Variants in PCDHA4 observed in about 807,000 individuals in gnomAD.
PCDHA4 encodes the protein protocadherin alpha 4, also known as protocadherin alpha-4.
A neutral mutation model predicts 61.4 loss-of-function variants in PCDHA4; 49 were observed. The observed-to-expected ratio is 0.80, with a 90% CI of 0.63 to 1.01. The LOEUF (loss-of-function observed/expected upper bound fraction) is 1.01. Ranked by LOEUF, PCDHA4 falls within the 50% of genes least tolerant of loss-of-function variation. The pLI is 0.00. For missense variants in PCDHA4, 1,254 were observed against 1,235.8 expected (o/e 1.01, Z -0.22); for synonymous variants, 590 against 550.3 (o/e 1.07, Z -1.01).
chr5:140,888,059 T>C (rs1562834280), intron 1 of PCDHA4, among the ~76,000 whole-genome samples: 1 of 152,232 alleles, frequency 6.6e-6, no homozygotes, highest in African/African-American at 2.4e-5. Context: ...TGTTTTAACT[T>C]TCTTGTCTGC....
intron 1 of PCDHA4, chr5:140,864,242 T>C (rs978090917): frequency 6.6e-6 from 1 of 152,208 alleles, no homozygotes; most frequent in Non-Finnish European, 1.5e-5. Flanking sequence ...TTATTCCTAT[T>C]CATTTTCTTA....
At chr5:140,864,945 C>A (rs2048665503) in intron 1 of PCDHA4, 1 of 152,120 alleles carries the variant, frequency 6.6e-6, no homozygotes, top group African/African-American at 2.4e-5. Flanking sequence ...GGCCTGTAAT[C>A]CCAGCATTTT....
chr5:140,902,783 G>A (rs1013396334), intron 1 of PCDHA4, among the ~76,000 whole-genome samples: 19 of 151,054 alleles, frequency 1.3e-4, no homozygotes, highest in Admixed American at 9.2e-4. Flanking sequence ...TCATAGCTTA[G>A]CTCTCACTTG....
intron 1 of PCDHA4, among the ~76,000 whole-genome samples, chr5:140,885,674 C>A (rs1041500524): frequency 2.1e-4 from 32 of 152,192 alleles, no homozygotes; most frequent in African/African-American, 7.0e-4. Flanking sequence ...AGCACTCTTT[C>A]TATCTCAAGA....
chr5:140,900,187 T>C (rs529700623), intron 1 of PCDHA4, among the ~76,000 whole-genome samples: 1 of 152,346 alleles, frequency 6.6e-6, no homozygotes, highest in Non-Finnish European at 1.5e-5. Context: ...ATGTCACTTA[T>C]AATGACATCC....
At chr5:140,848,599 T>C (rs2150414040) in intron 1 of PCDHA4, 1 of 1,593,694 alleles carries the variant, frequency 6.3e-7, no homozygotes, top group Non-Finnish European at 8.6e-7. Context: ...CACTACTCCG[T>C]CCCGGAGGAA....
intron 1 of PCDHA4, among the ~76,000 whole-genome samples, chr5:140,905,413 A>T (rs2071819141): frequency 6.6e-6 from 1 of 152,180 alleles, no homozygotes; most frequent in South Asian, 2.1e-4. Flanking sequence ...TTATACCAGT[A>T]CCATGCTGGT....
At chr5:140,968,653 C>T (rs1301566656) in intron 1 of PCDHA4, 1 of 1,614,150 alleles carries the variant, frequency 6.2e-7, no homozygotes, top group Non-Finnish European at 8.5e-7. Flanking sequence ...AGACTTCTGA[C>T]CTGGACCTCT....
chr5:140,875,450 C>A, intron 1 of PCDHA4: 1 of 1,590,616 alleles, frequency 6.3e-7, no homozygotes, highest in Non-Finnish European at 8.6e-7. Context: ...ATTGTCCCAA[C>A]TCAGAGGCCC....
chr5:140,828,649 T>C, intron 1 of PCDHA4: 2 of 1,614,100 alleles, frequency 1.2e-6, no homozygotes, highest in Non-Finnish European at 1.7e-6. Context: ...AAATAAACAG[T>C]GATGACAATA....
Position 140,851,538 on chromosome 5 carries a change from A to G in PCDHA4, c.2385+41966A>G. 2.2e-6 allele frequency: 2 copies of G among 905,392 alleles called. 1 individual carries two copies. The highest frequency in any genetic ancestry group is 2.7e-6 in the Non-Finnish European group (2 of 743,116). The allele number at this position is 905,392 out of a possible 1,614,324, so 56.1% of individuals were successfully genotyped here. A position where few individuals can be genotyped will look rare whatever the true frequency, so the allele number is the denominator to read the frequency against. Reference sequence around the variant, plus strand: ...TTTTAAAATGCCTGACAATGTAGATAATTCAAGAAATGTTGACTGAAATTT... The same window carrying G: ...TTTTAAAATGCCTGACAATGTAGATGATTCAAGAAATGTTGACTGAAATTT... On this transcript the variant is annotated intron_variant, in intron 1 of 3. Coordinates refer to ENST00000530339, the MANE Select transcript of PCDHA4 (RefSeq NM_018907.4).
chr5:140,924,907 AAAAT>A (rs1563068966), intron 1 of PCDHA4, among the ~76,000 whole-genome samples: 53 of 50,956 alleles, frequency 1.0e-3, no homozygotes, highest in African/African-American at 2.1e-3. Flanking sequence ...AAAAAAAAAT[AAAAT>A]AAAATAAAAT....
intron 3 of PCDHA4, among the ~76,000 whole-genome samples, chr5:140,988,142 A>G (rs1017336547): frequency 5.3e-5 from 8 of 152,056 alleles, no homozygotes; most frequent in African/African-American, 1.4e-4. Context: ...AACCTGTTCA[A>G]CCTCAACTTC....
chr5:140,819,748 G>T (rs1211997306), intron 1 of PCDHA4, among the ~76,000 whole-genome samples: 2 of 151,986 alleles, frequency 1.3e-5, no homozygotes, highest in African/African-American at 4.8e-5. Context: ...CAAAAGTCAA[G>T]AGTCTTGTTT....
chr5:140,902,846 A>C (rs1119032), intron 1 of PCDHA4, among the ~76,000 whole-genome samples: 2 of 152,088 alleles, frequency 1.3e-5, no homozygotes, highest in African/African-American at 2.4e-5. Context: ...CTTCACTTAG[A>C]AAAATGGCGT....
Position 140,967,580 on chromosome 5 carries a change from C to T in PCDHA4, c.2386-11369C>T, listed in dbSNP as rs201304400. 42 of 1,614,122 alleles carry T rather than the reference C, an allele frequency of 2.6e-5. No homozygotes were observed. The East Asian group carries it at 4.7e-4, about 18-fold the overall frequency. ...CGTCCAGCTACGGGAGGACTCACCC[C>T]CAGGCACATTGGTGGTGAAGCTGAA... On this transcript the variant is annotated intron_variant, in intron 1 of 3. Transcript: ENST00000530339.
intron 1 of PCDHA4, among the ~76,000 whole-genome samples, chr5:140,933,268 T>A (rs2088999959): frequency 6.6e-6 from 1 of 151,986 alleles, no homozygotes; most frequent in Non-Finnish European, 1.5e-5. Context: ...TTATTATATA[T>A]TCATTTGGAA....
intron 1 of PCDHA4, chr5:140,813,516 A>C (rs1428913887): frequency 3.3e-5 from 5 of 152,222 alleles, no homozygotes; most frequent in African/African-American, 9.6e-5. Context: ...AACATTGTAC[A>C]GATTTTTAAA....
chr5:140,913,125 C>G (rs1164527264), intron 1 of PCDHA4, among the ~76,000 whole-genome samples: 1 of 152,132 alleles, frequency 6.6e-6, no homozygotes, highest in Non-Finnish European at 1.5e-5. Context: ...AAGTTAACCC[C>G]TCCTCTACTT....
Sources: allele counts gnomAD v4.1 joint callset (sites outside exome capture counted in the v4.1 genomes callset), GRCh38; gene constraint gnomAD v4.1.1; transcripts MANE v1.5; gene names NCBI Gene and HGNC (gene_info 2026-07-23, HGNC 2026-07-21).